ZNF333: variants seen among roughly 807,000 people sequenced by gnomAD.
ZNF333 encodes the protein zinc finger protein 333.
A neutral mutation model predicts 76.1 loss-of-function variants in ZNF333; 61 were observed. The ratio of observed to expected loss-of-function variants is 0.80; its 90% CI spans 0.65 to 0.99. The LOEUF is 0.99. Ranked by LOEUF, ZNF333 falls within the 50% of genes least tolerant of loss-of-function variation. The pLI, the probability that ZNF333 is intolerant of heterozygous loss-of-function variation, is 0.00. For missense variants in ZNF333, 717 were observed against 822.4 expected (o/e 0.87, Z 1.57); for synonymous variants, 284 against 305.0 (o/e 0.93, Z 0.72).
chr19:14,730,220 A>T (rs1401859630), intron 11 of ZNF333, among the ~76,000 whole-genome samples: 1 of 151,880 alleles, frequency 6.6e-6, no homozygotes, highest in Admixed American at 6.6e-5. Context: ...ATGCCTGGTT[A>T]ATTTTTGTAT....
At chr19:14,723,565 C>T (rs903506771), downstream of ZNF333, among the ~76,000 whole-genome samples, 1 of 152,214 alleles carries the variant, frequency 6.6e-6, no homozygotes, top group African/African-American at 2.4e-5. Flanking sequence ...TTCTTCATCT[C>T]ATTGGTTAAG....
At chr19:14,716,879 G>A in intron 9 of ZNF333, 115 bp from the exon 10 acceptor site, 2 of 849,486 alleles carry the variant, frequency 2.4e-6, no homozygotes, top group South Asian at 1.7e-5. Context: ...CAGAATTTAG[G>A]CACATGCATT....
chr19:14,716,032 C>G (rs962497834), intron 8 of ZNF333, 80 bp from the exon 9 acceptor site: 7 of 1,588,134 alleles, frequency 4.4e-6, no homozygotes, highest in Non-Finnish European at 6.0e-6. Context: ...TTCCCTTCCC[C>G]AGGCTTGCCA....
chr19:14,699,250 T>A lies in ZNF333; in HGVS notation c.275T>A (p.Leu92Ter). 1 of 1,613,994 alleles carries A rather than the reference T, an allele frequency of 6.2e-7. No homozygotes were observed. Among genetic ancestry groups the A allele is most frequent in the Non-Finnish European group, 8.5e-7 (1 of 1,179,906 alleles). Residue 92 changes from leucine (L) to a stop codon, truncating the protein, a stop_gained, in exon 5 of 12, where the codon TTG becomes TAG. Coordinates refer to ENST00000292530, the MANE Select transcript of ZNF333 (RefSeq NM_032433.4). LOFTEE classifies it high-confidence loss of function. ...GAGTTGCCTTCTATGCAGGATCTTT[T>A]GGAAGAAGCATCCTCCAGGGACATG... ...PEELPSMQDL[L>*]EEASSRDMQM...
rs143879039 is a variant in ZNF333 at position 14,712,482 on chromosome 19, A to G, written c.512-2900A>G. Among the ~76,000 whole-genome samples, 14 of 152,156 alleles carry G rather than the reference A, an allele frequency of 9.2e-5. No individual in the cohort carries two copies. The East Asian group carries it at 2.7e-3, about 29-fold the overall frequency. ...TGATAATGCTGGCCTCTGCCTCCCA[A>G]AGTGCTGGGATTACAGGTGTGAGCC... On this transcript the variant is annotated intron_variant, in intron 7 of 11. Transcript: ENST00000292530.
In ZNF333 at chr19:14,720,338, C is replaced by G; in HGVS notation, c.*1013C>G. The stretch of plus-strand genomic sequence containing the variant: ...TGTGTTCAGGGATGGTTTCATGTAG[C>G]CACATCTCTCCACTTCTTGCCTTTT... On this transcript the variant is annotated 3_prime_UTR_variant, in exon 12 of 12. Coordinates refer to ENST00000292530, the MANE Select transcript of ZNF333 (RefSeq NM_032433.4). 1 of 985,388 alleles carries G rather than the reference C, an allele frequency of 1.0e-6. No individual in the cohort carries two copies. Among genetic ancestry groups the G allele is most frequent in the Non-Finnish European group, 1.2e-6 (1 of 829,924 alleles). The allele number at this position is 985,388 out of a possible 1,614,324, so 61.0% of individuals were successfully genotyped here. A position where few individuals can be genotyped will look rare whatever the true frequency, so the allele number is the denominator to read the frequency against.
At chr19:14,699,916 T>G (rs1410972004) in intron 5 of ZNF333, among the ~76,000 whole-genome samples, 1 of 152,116 alleles carries the variant, frequency 6.6e-6, no homozygotes, top group African/African-American at 2.4e-5. Context: ...AAACAAGGCA[T>G]GGCTTGAAAA....
Position 14,718,261 on chromosome 19 carries a change from T to C in ZNF333, c.934T>C (p.Tyr312His). 1 of 1,613,176 alleles carries C rather than the reference T, an allele frequency of 6.2e-7. No individual in the cohort carries two copies. The change falls in exon 12 of 12, where the codon TAT becomes CAT. Residue 312 changes from tyrosine to histidine, a missense_variant. Coordinates refer to ENST00000292530, the MANE Select transcript of ZNF333 (RefSeq NM_032433.4). Reference sequence around the variant, plus strand: ...TCAGCCTGGAGAAAAACTCTATAAATATAATGAACTTGAGAAACCTTTTAA... The same window carrying C: ...TCAGCCTGGAGAAAAACTCTATAAACATAATGAACTTGAGAAACCTTTTAA... Reference protein sequence around the residue: ...QPQPGEKLYKYNELEKPFNSI... With the variant: ...QPQPGEKLYKHNELEKPFNSI...
At chr19:14,690,497 G>A (rs530613808) in intron 1 of ZNF333, among the ~76,000 whole-genome samples, 1 of 152,298 alleles carries the variant, frequency 6.6e-6, no homozygotes, top group African/African-American at 2.4e-5. Context: ...GCCCTACCTT[G>A]CCTACAGTAT....
intron 4 of ZNF333, among the ~76,000 whole-genome samples, chr19:14,696,855 G>C (rs992631456): frequency 6.7e-6 from 1 of 149,456 alleles, no homozygotes; most frequent in Non-Finnish European, 1.5e-5. Context: ...TCTCCTGCCT[G>C]AGTCTCCTGA....
chr19:14,710,675 G>T (rs932956645), intron 7 of ZNF333, among the ~76,000 whole-genome samples: 3 of 152,238 alleles, frequency 2.0e-5, no homozygotes, highest in Non-Finnish European at 2.9e-5. Context: ...CTACTTGGGA[G>T]GTTGAGGCAG....
intron 1 of ZNF333, among the ~76,000 whole-genome samples, chr19:14,693,155 C>T (rs1357989792): frequency 2.6e-5 from 4 of 152,110 alleles, no homozygotes; most frequent in Admixed American, 1.3e-4. Context: ...AGGCCAAAAT[C>T]GTTTAAGAAA....
chr19:14,697,195 A>G (rs1007510975), intron 4 of ZNF333, among the ~76,000 whole-genome samples: 5 of 152,170 alleles, frequency 3.3e-5, no homozygotes, highest in African/African-American at 1.2e-4. Flanking sequence ...CATGAATCAG[A>G]ACTTAATTCC....
chr19:14,723,793 G>C (rs2042616956), downstream of ZNF333, among the ~76,000 whole-genome samples: 1 of 152,156 alleles, frequency 6.6e-6, no homozygotes, highest in Non-Finnish European at 1.5e-5. Flanking sequence ...CTTTTGTGGG[G>C]AATTATCAAC....
chr19:14,707,077 C>T (rs1229983016), intron 7 of ZNF333: 4 of 305,326 alleles, frequency 1.3e-5, no homozygotes, highest in Non-Finnish European at 2.4e-5. Context: ...ATTGAATTTA[C>T]TAGAAATGGC....
intron 7 of ZNF333, among the ~76,000 whole-genome samples, chr19:14,712,161 G>A (rs1387422627): frequency 3.3e-5 from 5 of 152,026 alleles, no homozygotes; most frequent in African/African-American, 1.2e-4. Flanking sequence ...AAAGACAGGG[G>A]CAGCACTTCC....
chr19:14,732,170 T>C (rs1396899216), exon 12 of ZNF333: 3 of 152,210 alleles, frequency 2.0e-5, no homozygotes, highest in Non-Finnish European at 2.9e-5. Flanking sequence ...TTCACAGATA[T>C]TGCATTTTTT....
chr19:14,713,082 C>A (rs1397189436), intron 7 of ZNF333, among the ~76,000 whole-genome samples: 2 of 152,140 alleles, frequency 1.3e-5, no homozygotes, highest in East Asian at 3.9e-4. Context: ...CACAACTCTT[C>A]ATGTCAGTCA....
downstream of ZNF333, among the ~76,000 whole-genome samples, chr19:14,722,741 T>C (rs1464713397): frequency 6.6e-6 from 1 of 152,122 alleles, no homozygotes; most frequent in African/African-American, 2.4e-5. Flanking sequence ...AGCTCTTGCA[T>C]TTAGGTCTTT....
Sources: gnomAD v4.1 joint callset for allele counts (sites outside exome capture counted in the v4.1 genomes callset) on GRCh38, gnomAD v4.1.1 for gene constraint, MANE v1.5 for transcripts, NCBI Gene and HGNC (gene_info 2026-07-23, HGNC 2026-07-21) for gene names.